Variants in PASD1 observed in about 807,000 individuals in gnomAD.
PASD1 encodes the protein PAS domain containing repressor 1.
In PASD1, 13 loss-of-function variants were observed where a neutral mutation model predicts 58.8. The ratio of observed to expected loss-of-function variants is 0.22; its 90% CI spans 0.14 to 0.35. The LOEUF (loss-of-function observed/expected upper bound fraction) is 0.35, where lower values mean the gene tolerates loss of function less well. Among genes scored for constraint, PASD1 ranks in the 10% least tolerant of loss-of-function variants. The probability of loss-of-function intolerance (pLI) is 1.00; values close to 1 mark genes in which losing one functional copy is unlikely to be tolerated. For missense variants in PASD1, 734 were observed against 568.3 expected, an observed-to-expected ratio of 1.29 and a Z score of -2.96; for synonymous variants, 236 against 216.7, an observed-to-expected ratio of 1.09 and a Z score of -0.78.
chrX:151,605,541 G>A (rs2013477723), intron 3 of PASD1, among the ~76,000 whole-genome samples: 1 of 110,989 alleles, frequency 9.0e-6, no homozygotes, highest in Non-Finnish European at 1.9e-5. Flanking sequence ...TTCTGACTGT[G>A]AATGAATGGA....
In PASD1 at chrX:151,671,046, G is replaced by T. The variant is rs928528203; in HGVS notation, c.1080G>T (p.Gln360His). 2 of 1,208,510 alleles carry T rather than the reference G, an allele frequency of 1.7e-6. No individual in the cohort carries two copies. Among genetic ancestry groups the T allele is most frequent in the African/African-American group, 3.5e-5 (2 of 57,219 alleles). The change falls in exon 12 of 16, where the codon CAG becomes CAT. Residue 360 changes from glutamine to histidine, a missense_variant. Gln to His is a conservative substitution (Grantham distance 24, BLOSUM62 0). Transcript: ENST00000370357. ...GAAGASAQPL[Q>H]PSSPVAYDII... ...GTAATTCCTCCCCACAGCCATTACA[G>T]CCATCATCACCAGTTGCATATGACA... is the stretch of plus-strand genomic sequence containing the variant.
rs999485449 is a variant in PASD1, at chrX:151,568,017, G to A, written c.-28+4178G>A. On this transcript the variant is annotated intron_variant, in intron 1 of 15. Transcript: ENST00000370357. ...TGGGATTACAGGTGTGAGCCACCAC[G>A]CCCGAACAATTGTCATATTTTTTAA... Among the ~76,000 whole-genome samples the A allele has an allele frequency of 1.6e-4, 18 of 112,034 alleles. 1 individual carries two copies. The highest frequency in any genetic ancestry group is 1.4e-3 in the Admixed American group (15 of 10,597).
chrX:151,596,207 C>T (rs2013320335), intron 1 of PASD1, among the ~76,000 whole-genome samples: 1 of 111,942 alleles, frequency 8.9e-6, no homozygotes, highest in South Asian at 3.7e-4. Flanking sequence ...ACTCAAGGTT[C>T]TGCAGGATGA....
Position 151,671,612 on chromosome X carries a change from C to T in PASD1, c.1270C>T (p.Leu424Phe). ...ATTACGCCACGTTGTCATTCCTGATCTCCAATCTTCGGAGGCAGTGCCCAA... is the reference window on the plus strand; with the variant it reads ...ATTACGCCACGTTGTCATTCCTGATTTCCAATCTTCGGAGGCAGTGCCCAA... The part of the protein sequence containing the change: ...NTLRHVVIPD[L>F]QSSEAVPKKQ... The change falls in exon 13 of 16, where the codon CTC (leucine) becomes TTC (phenylalanine). Residue 424 changes from leucine (L) to phenylalanine (F), a missense_variant. Leu to Phe is a conservative substitution (Grantham distance 22). Transcript: ENST00000370357. 2 of 1,211,554 alleles carry T rather than the reference C, an allele frequency of 1.7e-6. No homozygotes were observed. Among genetic ancestry groups the T allele is most frequent in the Non-Finnish European group, 2.2e-6 (2 of 895,507 alleles).
At chrX:151,627,356 TC>T (rs1160114465) in intron 8 of PASD1, among the ~76,000 whole-genome samples, 2 of 100,033 alleles carry the variant, frequency 2.0e-5, no homozygotes, top group South Asian at 5.7e-4. Flanking sequence ...CCCTCCCCAC[TC>T]CCCCCACCCC....
chrX:151,622,203 A>G (rs1465291609), intron 6 of PASD1, among the ~76,000 whole-genome samples: 2 of 111,234 alleles, frequency 1.8e-5, no homozygotes, highest in Non-Finnish European at 3.8e-5. Context: ...CCATTTTACA[A>G]ATTTTGAGGT....
intron 8 of PASD1, among the ~76,000 whole-genome samples, chrX:151,648,071 T>C (rs2014082585): frequency 9.0e-6 from 1 of 111,222 alleles, no homozygotes; most frequent in South Asian, 3.8e-4. Context: ...TTATCAATAT[T>C]AGAAATAAGA....
chrX:151,588,000 C>G (rs921063728), intron 1 of PASD1, among the ~76,000 whole-genome samples: 1 of 112,125 alleles, frequency 8.9e-6, no homozygotes, highest in African/African-American at 3.2e-5. Context: ...AACATCATTA[C>G]TGTCTACTTG....
chrX:151,671,160 G>A lies in PASD1; in HGVS notation c.1194G>A (p.Gln398=). The part of the protein sequence containing the change: ...TWLLHDAIQN[Q]QNALELMMDH... ...TGCTGCATGATGCCATCCAAAACCAGCAGAATGCATTGGAATTGATGATGG... is the reference window on the plus strand; with the variant it reads ...TGCTGCATGATGCCATCCAAAACCAACAGAATGCATTGGAATTGATGATGG... The change falls in exon 12 of 16, where the codon CAG becomes CAA. Residue 398 remains glutamine, a synonymous_variant. Coordinates refer to ENST00000370357, the MANE Select transcript of PASD1 (RefSeq NM_173493.3). The A allele has an allele frequency of 8.3e-7, 1 of 1,211,662 alleles. No individual in the cohort carries two copies. Among genetic ancestry groups the A allele is most frequent in the East Asian group, 3.0e-5 (1 of 33,834 alleles).
chrX:151,577,343 C>T (rs1213934956), intron 1 of PASD1, among the ~76,000 whole-genome samples: 2 of 112,032 alleles, frequency 1.8e-5, no homozygotes, highest in African/African-American at 6.5e-5. Flanking sequence ...ATACAGTGAA[C>T]AGATTTTACC....
chrX:151,668,239 T>C lies in PASD1; in HGVS notation c.1072-2799T>C, dbSNP rs141133087. Among the ~76,000 whole-genome samples the C allele has an allele frequency of 1.7e-3, 191 of 111,954 alleles. 2 individuals carry two copies. In the East Asian group the frequency reaches 0.042, roughly 24 times the overall value. On this transcript the variant is annotated intron_variant, in intron 11 of 15. Coordinates refer to ENST00000370357, the MANE Select transcript of PASD1 (RefSeq NM_173493.3). ...AAGGGTTGTTGAATTTTGTCAAAGA[T>C]CTTTTCTGCATCAACTGAGATAATC...
chrX:151,625,661 G>T (rs751650453), intron 8 of PASD1, 131 bp downstream of exon 8: 2 of 529,636 alleles, frequency 3.8e-6, no homozygotes, highest in South Asian at 4.0e-5. Flanking sequence ...AGAAACAAAC[G>T]GGCCAGGGAT....
intron 7 of PASD1, among the ~76,000 whole-genome samples, chrX:151,623,965 A>C (rs2013752001): frequency 1.8e-5 from 2 of 111,719 alleles, no homozygotes; most frequent in South Asian, 7.6e-4. Context: ...ATTATGTAGA[A>C]CTTTGAGATC....
chrX:151,667,298 T>C (rs2014396225), intron 11 of PASD1, among the ~76,000 whole-genome samples: 1 of 111,819 alleles, frequency 8.9e-6, no homozygotes, highest in Admixed American at 9.5e-5. Flanking sequence ...GTCAGATGAG[T>C]AGATTGCAAA....
chrX:151,599,587 G>T (rs1325211052), intron 1 of PASD1, among the ~76,000 whole-genome samples: 3 of 109,886 alleles, frequency 2.7e-5, no homozygotes, highest in East Asian at 2.9e-4. Context: ...CTCCCAGACG[G>T]GGTGGCGGCG....
intron 8 of PASD1, among the ~76,000 whole-genome samples, chrX:151,630,013 A>AT: frequency 8.9e-6 from 1 of 112,098 alleles, no homozygotes; most frequent in East Asian, 2.8e-4. Context: ...AAGGCTTAAA[A>AT]TTATATCATT....
chrX:151,670,651 T>A (rs763564780), intron 11 of PASD1, among the ~76,000 whole-genome samples: 100 of 111,909 alleles, frequency 8.9e-4, no homozygotes, highest in African/African-American at 3.1e-3. Flanking sequence ...GAAGTGCCAG[T>A]TGATGGTTTT....
intron 7 of PASD1, among the ~76,000 whole-genome samples, chrX:151,624,342 C>A (rs2013756539): frequency 9.0e-6 from 1 of 110,798 alleles, no homozygotes; most frequent in African/African-American, 3.3e-5. Context: ...GTGGATCAGG[C>A]AGTGTGGGAG....
chrX:151,563,964 C>G (rs768076847), intron 1 of PASD1, 125 bp downstream of exon 1: 171 of 112,561 alleles, frequency 1.5e-3, no homozygotes, highest in African/African-American at 5.1e-3. Context: ...ACATTCCCTG[C>G]AGGACCCTCG....
Sources: gnomAD v4.1 joint callset for allele counts (sites outside exome capture counted in the v4.1 genomes callset) on GRCh38, gnomAD v4.1.1 for gene constraint, MANE v1.5 for transcripts, NCBI Gene and HGNC (gene_info 2026-07-23, HGNC 2026-07-21) for gene names.